TBC1D12: variants seen among roughly 807,000 people sequenced by gnomAD.
TBC1D12 encodes TBC1 domain family, member 12.
TBC1D12 carries 56 observed loss-of-function variants against 86.7 expected under a neutral mutation model. The ratio of observed to expected loss-of-function variants is 0.65; its 90% CI spans 0.52 to 0.81. The LOEUF (loss-of-function observed/expected upper bound fraction) is 0.81. Ranked by LOEUF, TBC1D12 falls within the 30% of genes least tolerant of loss-of-function variation. The pLI is 0.00. For synonymous variants in TBC1D12, 421 were observed against 411.7 expected (o/e 1.02, Z -0.27); for missense variants, 1,023 against 1,038.8 (o/e 0.98, Z 0.21).
intron 1 of TBC1D12, among the ~76,000 whole-genome samples, chr10:94,430,356 A>G (rs1021547965): frequency 1.3e-5 from 2 of 152,164 alleles, no homozygotes; most frequent in African/African-American, 4.8e-5. Flanking sequence ...GGTAGTCACA[A>G]TTTTCTATAG....
chr10:94,447,791 C>A, intron 2 of TBC1D12: 1 of 471,856 alleles, frequency 2.1e-6, no homozygotes, highest in Non-Finnish European at 2.8e-6. Context: ...GGAATAGCTA[C>A]ATGGTTTGTC....
intron 2 of TBC1D12, among the ~76,000 whole-genome samples, chr10:94,459,859 C>T (rs555673381): frequency 5.3e-5 from 8 of 152,322 alleles, no homozygotes; most frequent in East Asian, 1.9e-4. Context: ...CACGCAGCCA[C>T]GGTTCCTGCC....
chr10:94,500,441 A>G (rs986897825), intron 6 of TBC1D12, 114 bp downstream of exon 6: 4 of 708,936 alleles, frequency 5.6e-6, no homozygotes, highest in Admixed American at 3.6e-5. Flanking sequence ...ATATAATGTC[A>G]TTTTAAAAGC....
chr10:94,470,513 G>A (rs1382123554), intron 2 of TBC1D12, among the ~76,000 whole-genome samples: 1 of 151,822 alleles, frequency 6.6e-6, no homozygotes, highest in African/African-American at 2.4e-5. Flanking sequence ...AGAGGCGCAT[G>A]CCACCATACT....
intron 9 of TBC1D12, 48 bp downstream of exon 9, chr10:94,511,702 C>T: frequency 8.0e-7 from 1 of 1,253,416 alleles, no homozygotes; most frequent in Non-Finnish European, 1.2e-6. Flanking sequence ...ATTTTATCTA[C>T]ACTCTTTATC....
chr10:94,440,508 C>A (rs1182019065), intron 1 of TBC1D12, among the ~76,000 whole-genome samples: 1 of 152,072 alleles, frequency 6.6e-6, no homozygotes. Flanking sequence ...AGCCTGCATT[C>A]TTTTGTAGGA....
At chr10:94,528,419 C>A (rs1412966464) in intron 11 of TBC1D12, among the ~76,000 whole-genome samples, 1 of 152,118 alleles carries the variant, frequency 6.6e-6, no homozygotes, top group Non-Finnish European at 1.5e-5. Flanking sequence ...TGTTGAAAAT[C>A]TTTTGTTTTA....
At chr10:94,444,410 T>G (rs2055422862) in intron 2 of TBC1D12, among the ~76,000 whole-genome samples, 1 of 152,122 alleles carries the variant, frequency 6.6e-6, no homozygotes, top group South Asian at 2.1e-4. Context: ...TTGTGACATC[T>G]TAAGTTTTAG....
intron 1 of TBC1D12, among the ~76,000 whole-genome samples, chr10:94,425,677 C>T: frequency 6.6e-6 from 1 of 152,018 alleles, no homozygotes; most frequent in East Asian, 1.9e-4. Flanking sequence ...ATTGCTTTGG[C>T]TATTTTATTT....
chr10:94,473,950 G>A (rs2055948220), intron 2 of TBC1D12, among the ~76,000 whole-genome samples: 1 of 152,148 alleles, frequency 6.6e-6, no homozygotes, highest in Non-Finnish European at 1.5e-5. Flanking sequence ...TTGACAGTCT[G>A]TGGCTATATT....
At chr10:94,453,408 TGTGA>T (rs1379020629) in intron 2 of TBC1D12, among the ~76,000 whole-genome samples, 3 of 152,196 alleles carry the variant, frequency 2.0e-5, no homozygotes, top group Non-Finnish European at 4.4e-5. Context: ...TGTGTGCATA[TGTGA>T]GTGTGTGAGA....
chr10:94,496,079 G>A (rs2056317702), intron 4 of TBC1D12, among the ~76,000 whole-genome samples: 3 of 151,928 alleles, frequency 2.0e-5, no homozygotes, highest in African/African-American at 7.3e-5. Context: ...CTGCAGCCTG[G>A]GCAACAGAGC....
At chr10:94,486,022 G>C (rs1431169373) in intron 3 of TBC1D12, among the ~76,000 whole-genome samples, 1 of 150,468 alleles carries the variant, frequency 6.6e-6, no homozygotes, top group African/African-American at 2.4e-5. Context: ...CTGGCTAAAG[G>C]TTTCTCAATT....
At chr10:94,482,148 C>T (rs866171326) in intron 3 of TBC1D12, among the ~76,000 whole-genome samples, 1 of 152,224 alleles carries the variant, frequency 6.6e-6, no homozygotes, top group East Asian at 1.9e-4. Flanking sequence ...CTGCTCCTCT[C>T]CCTCCTCCCA....
In TBC1D12 at chr10:94,531,230, C is replaced by T. The variant is rs1232769817; in HGVS notation, c.2029C>T (p.Pro677Ser). 11 of 1,613,656 alleles carry T rather than the reference C, an allele frequency of 6.8e-6. No individual in the cohort carries two copies. The highest frequency in any genetic ancestry group is 8.5e-7 in the Non-Finnish European group (1 of 1,179,844). ...CTTCACACTATATAGCAAATCACTA[C>T]CACTTGATCTGGCCTGTCGAGTCTG... ...WIFTLYSKSL[P>S]LDLACRVWDV... The change falls in exon 12 of 13, where the codon CCA becomes TCA. Residue 677 changes from proline (P) to serine (S), a missense_variant. Physicochemically the swap from Pro to Ser is moderately conservative, Grantham distance 74. Around this residue, in one of 2 missense-constraint regions of TBC1D12, gnomAD observed 395 missense variants for 507.7 expected, o/e 0.78. Transcript: ENST00000225235.
intron 2 of TBC1D12, among the ~76,000 whole-genome samples, chr10:94,459,111 ATTTTACAGAGAGCTGATTGGTCCAT>A (rs1564956757): frequency 2.7e-5 from 4 of 150,726 alleles, no homozygotes; most frequent in African/African-American, 9.8e-5. Flanking sequence ...TGATTGGTCC[ATTTTACAGAGAGCTGATTGGTCCAT>A]TTTGACAGGG....
rs1463030451 is a variant in TBC1D12, at chr10:94,531,476, C to G, written c.2259+16C>G. 1 of 1,598,950 alleles carries G rather than the reference C, an allele frequency of 6.3e-7. No homozygotes were observed. Among genetic ancestry groups the G allele is most frequent in the Non-Finnish European group, 8.5e-7 (1 of 1,171,228 alleles). ...ATGGACTCAGGTAGAGTGACATTTT[C>G]TTATCTTTAATAGATGTGTTAAAGC... On this transcript the variant is annotated intron_variant, in intron 12 of 12. Transcript: ENST00000225235.
intron 2 of TBC1D12, among the ~76,000 whole-genome samples, chr10:94,462,149 AATC>A (rs1269247311): frequency 6.6e-6 from 1 of 152,236 alleles, no homozygotes; most frequent in Non-Finnish European, 1.5e-5. Flanking sequence ...GGGATAATAC[AATC>A]ATCATTTAGT....
At chr10:94,415,640 A>G (rs912699822) in intron 1 of TBC1D12, among the ~76,000 whole-genome samples, 1 of 152,190 alleles carries the variant, frequency 6.6e-6, no homozygotes, top group African/African-American at 2.4e-5. Context: ...AGGCTGAGGC[A>G]GGAGAATGGT....
Sources: gnomAD v4.1 joint callset for allele counts (sites outside exome capture counted in the v4.1 genomes callset) on GRCh38, gnomAD v4.1.1 for gene constraint, gnomAD v4.1.1 regional missense constraint, MANE v1.5 for transcripts, NCBI Gene and HGNC (gene_info 2026-07-23, HGNC 2026-07-21) for gene names.